NHSL1: variants seen among roughly 807,000 people sequenced by gnomAD.
The protein encoded by NHSL1 is NHS like 1.
In NHSL1, 48 loss-of-function variants were observed where a neutral mutation model predicts 95.0. That is an observed-to-expected ratio of 0.51 (90% CI 0.40 to 0.64). The LOEUF is 0.64. NHSL1 is among the 30% of genes least tolerant of loss of function. The probability of loss-of-function intolerance (pLI) is 0.00; values close to 1 mark genes in which losing one functional copy is unlikely to be tolerated. For missense variants in NHSL1, 1,971 were observed against 2,077.7 expected, an observed-to-expected ratio of 0.95 and a Z score of 1.00; for synonymous variants, 783 against 833.9, an observed-to-expected ratio of 0.94 and a Z score of 1.05.
chr6:138,519,574 T>A (rs1284253612), intron 1 of NHSL1, among the ~76,000 whole-genome samples: 2 of 152,190 alleles, frequency 1.3e-5, no homozygotes, highest in Non-Finnish European at 2.9e-5. Flanking sequence ...CCATTGTCCA[T>A]GATACATCAA....
intron 1 of NHSL1, among the ~76,000 whole-genome samples, chr6:138,625,575 G>T (rs1784725881): frequency 6.7e-6 from 1 of 150,324 alleles, no homozygotes; most frequent in Admixed American, 6.7e-5. Flanking sequence ...ATATATTCTT[G>T]AAGAATAGTA....
intron 1 of NHSL1, among the ~76,000 whole-genome samples, chr6:138,669,574 C>T (rs183041276): frequency 1.4e-4 from 22 of 152,274 alleles, no homozygotes; most frequent in African/African-American, 5.1e-4. Context: ...CCACGAGTGG[C>T]CACCCTTCCC....
intron 3 of NHSL1, among the ~76,000 whole-genome samples, chr6:138,472,050 C>T (rs552344117): frequency 1.3e-5 from 2 of 151,924 alleles, no homozygotes; most frequent in East Asian, 1.9e-4. Context: ...AGCGTGGTGG[C>T]GTGTGCCTGT....
At chr6:138,626,445 G>A (rs543329183) in intron 1 of NHSL1, among the ~76,000 whole-genome samples, 3 of 152,106 alleles carry the variant, frequency 2.0e-5, no homozygotes, top group South Asian at 4.2e-4. Context: ...TCTCTGTGAC[G>A]GCATAGCTTT....
intron 3 of NHSL1, among the ~76,000 whole-genome samples, chr6:138,451,539 A>C (rs182286900): frequency 7.4e-4 from 112 of 152,328 alleles, no homozygotes; most frequent in Admixed American, 4.2e-3. Flanking sequence ...ATAGAAGGTT[A>C]TTTCAGAATT....
chr6:138,534,549 T>A (rs576472800), intron 1 of NHSL1, among the ~76,000 whole-genome samples: 1 of 152,210 alleles, frequency 6.6e-6, no homozygotes, highest in African/African-American at 2.4e-5. Context: ...GATATATGCA[T>A]ACAAATAAAA....
intron 1 of NHSL1, among the ~76,000 whole-genome samples, chr6:138,661,495 C>CAA (rs111293449): frequency 3.4e-5 from 4 of 118,122 alleles, no homozygotes; most frequent in Non-Finnish European, 1.8e-5. Context: ...CCCCCCGTCT[C>CAA]AAAAAAAAAA....
At chr6:138,654,556 C>G (rs981303013) in intron 1 of NHSL1, among the ~76,000 whole-genome samples, 11 of 152,024 alleles carry the variant, frequency 7.2e-5, no homozygotes, top group African/African-American at 2.4e-4. Context: ...ATACTAAGAA[C>G]AGCAGGTATT....
chr6:138,598,770 T>C (rs1483663125), intron 1 of NHSL1, among the ~76,000 whole-genome samples: 1 of 152,120 alleles, frequency 6.6e-6, no homozygotes, highest in East Asian at 1.9e-4. Flanking sequence ...TTTCCTCATC[T>C]CTTTGTGGTA....
Position 138,431,102 on chromosome 6 carries a change from C to G in NHSL1, c.3243G>C (p.Val1081=). ...CCGCCTCAGCGCCTGAGTTCTTTCT[C>G]ACGGGCCTCAACTGCACCATCTGCA... ...EALQMVQLRP[V]RKNSGAEAAQ... is the part of the protein sequence containing the mutation. Residue 1081 remains valine, a synonymous_variant, in exon 6 of 8, where the codon GTG becomes GTC. Coordinates refer to ENST00000343505, the MANE Select transcript of NHSL1 (RefSeq NM_001144060.2). This position sits in a 1 kb window ranked among gnomAD's most constrained non-coding sequence, Gnocchi z 4.0. 2 of 1,551,858 alleles carry G rather than the reference C, an allele frequency of 1.3e-6. No individual in the cohort carries two copies. The highest frequency in any genetic ancestry group is 8.7e-7 in the Non-Finnish European group (1 of 1,147,034).
chr6:138,617,619 G>A (rs1263447496), intron 1 of NHSL1, among the ~76,000 whole-genome samples: 1 of 152,172 alleles, frequency 6.6e-6, no homozygotes, highest in Non-Finnish European at 1.5e-5. Context: ...GCATGCTTGT[G>A]GAACAAATAG....
intron 1 of NHSL1, among the ~76,000 whole-genome samples, chr6:138,511,597 T>C (rs1394956032): frequency 1.3e-5 from 2 of 151,528 alleles, no homozygotes; most frequent in African/African-American, 4.8e-5. Flanking sequence ...ACTATAAGAA[T>C]TTGACCAACA....
chr6:138,514,115 G>A (rs113165210), intron 1 of NHSL1, among the ~76,000 whole-genome samples: 41 of 152,092 alleles, frequency 2.7e-4, no homozygotes, highest in African/African-American at 8.7e-4. Flanking sequence ...TCAGGAGTTC[G>A]AGACCAGCCT....
chr6:138,674,434 G>A (rs925429073), intron 1 of NHSL1, among the ~76,000 whole-genome samples: 1 of 152,100 alleles, frequency 6.6e-6, no homozygotes, highest in Non-Finnish European at 1.5e-5. Flanking sequence ...ATTAAGCCCA[G>A]CATGCATTAG....
upstream of NHSL1, among the ~76,000 whole-genome samples, chr6:138,502,384 T>C (rs961613498): frequency 2.0e-5 from 3 of 152,134 alleles, no homozygotes; most frequent in African/African-American, 7.2e-5. Flanking sequence ...CTTCTGGAAC[T>C]GTATTTTTTA....
intron 1 of NHSL1, among the ~76,000 whole-genome samples, chr6:138,580,769 G>T (rs72975268): frequency 2.9e-3 from 448 of 152,348 alleles, no homozygotes; most frequent in Non-Finnish European, 5.4e-3. Context: ...AGCATGGGTG[G>T]AGGGAGAGAA....
intron 1 of NHSL1, among the ~76,000 whole-genome samples, chr6:138,687,304 C>G (rs1000211361): frequency 1.3e-5 from 2 of 151,510 alleles, no homozygotes. Context: ...AAGAAGAAGA[C>G]GAAGTGCAGT....
rs149480954 is a variant in NHSL1 at position 138,569,118 on chromosome 6, C to T, written c.202+2592G>A. Among the ~76,000 whole-genome samples the T allele has an allele frequency of 4.7e-3, 723 of 152,236 alleles. 15 individuals carry two copies. Among genetic ancestry groups the T allele is most frequent in the East Asian group, 0.021 (107 of 5,172 alleles). Reference sequence around the variant, plus strand: ...AGCAGCTGCTGGAGGGGAGGGAGAACGCCAGGAGCTGCAGAACCGGACCCC... The same window carrying T: ...AGCAGCTGCTGGAGGGGAGGGAGAATGCCAGGAGCTGCAGAACCGGACCCC... On this transcript the variant is annotated intron_variant, in intron 1 of 6. Coordinates refer to the NHSL1 transcript ENST00000427025.
chr6:138,671,492 T>A (rs1583474785), intron 1 of NHSL1, among the ~76,000 whole-genome samples: 3 of 147,212 alleles, frequency 2.0e-5, no homozygotes, highest in African/African-American at 2.5e-5. Flanking sequence ...CTCCACCAAA[T>A]GAAGAAGTAA....
Sources: gnomAD v4.1 joint callset for allele counts (sites outside exome capture counted in the v4.1 genomes callset) on GRCh38, gnomAD v4.1.1 for gene constraint, Gnocchi (gnomAD v3.1) non-coding constraint, MANE v1.5 for transcripts, NCBI Gene and HGNC (gene_info 2026-07-23, HGNC 2026-07-21) for gene names.